The following GRID2 variants were observed in gnomAD, a reference collection of about 807,000 sequenced individuals.
The protein encoded by GRID2 is glutamate ionotropic receptor delta type subunit 2.
GRID2 carries 33 observed loss-of-function variants against 114.8 expected under a neutral mutation model. That is an observed-to-expected ratio of 0.29 (90% CI 0.22 to 0.38). The LOEUF (loss-of-function observed/expected upper bound fraction) is 0.38, where lower values mean the gene tolerates loss of function less well. GRID2 is among the 10% of genes least tolerant of loss of function. GRID2 has a pLI of 1.00. For synonymous variants in GRID2, 505 were observed against 449.9 expected, an observed-to-expected ratio of 1.12 and a Z score of -1.55; for missense variants, 1,184 against 1,257.7, an observed-to-expected ratio of 0.94 and a Z score of 0.89.
At chr4:93,139,077 A>T (rs1301676378) in intron 4 of GRID2, among the ~76,000 whole-genome samples, 2 of 152,206 alleles carry the variant, frequency 1.3e-5, no homozygotes, top group Non-Finnish European at 2.9e-5. Flanking sequence ...CAGATTTCAC[A>T]CTCAAATTAC....
intron 2 of GRID2, among the ~76,000 whole-genome samples, chr4:92,599,561 A>G (rs1337705215): frequency 6.6e-6 from 1 of 152,206 alleles, no homozygotes; most frequent in Non-Finnish European, 1.5e-5. Context: ...CTGTACTTCA[A>G]AAACACATGA....
At position 92,983,731 on chromosome 4, in the gene GRID2, A is replaced by G. The variant is rs193198063; in HGVS notation, c.245-101264A>G. Among the ~76,000 whole-genome samples, 264 of 152,242 alleles carry G rather than the reference A, an allele frequency of 1.7e-3. 1 individual carries two copies. Among genetic ancestry groups the G allele is most frequent in the African/African-American group, 6.2e-3 (259 of 41,568 alleles). On this transcript the variant is annotated intron_variant, in intron 2 of 15. Coordinates refer to ENST00000282020, the MANE Select transcript of GRID2 (RefSeq NM_001510.4). ...AGATAAATTAAGTAGAAATAAGTCA[A>G]GTTTTACAGATTTGCCTTATTTGCC...
At chr4:93,067,518 T>G (rs894631031) in intron 2 of GRID2, among the ~76,000 whole-genome samples, 1 of 152,018 alleles carries the variant, frequency 6.6e-6, no homozygotes, top group African/African-American at 2.4e-5. Flanking sequence ...TATAAGGCTC[T>G]GCCTTCATGA....
At chr4:92,993,791 A>G (rs1266977888) in intron 2 of GRID2, among the ~76,000 whole-genome samples, 1 of 152,192 alleles carries the variant, frequency 6.6e-6, no homozygotes, top group African/African-American at 2.4e-5. Context: ...TCAGGTAGAC[A>G]TTTGTTGGAG....
chr4:92,866,067 C>T (rs1184343944), intron 2 of GRID2, among the ~76,000 whole-genome samples: 1 of 152,150 alleles, frequency 6.6e-6, no homozygotes, highest in Non-Finnish European at 1.5e-5. Flanking sequence ...CTTTGGTTTT[C>T]AAATCATGGC....
chr4:92,750,485 T>C (rs1345795069), intron 2 of GRID2, among the ~76,000 whole-genome samples: 1 of 96,014 alleles, frequency 1.0e-5, no homozygotes, highest in Non-Finnish European at 2.0e-5. Flanking sequence ...CATATTCACA[T>C]AGACCAAAGA....
chr4:92,704,701 A>ATCTCTCTCTCTCTCTCTCTCTC (rs778705188), intron 2 of GRID2, among the ~76,000 whole-genome samples: 2 of 113,662 alleles, frequency 1.8e-5, no homozygotes, highest in Non-Finnish European at 3.7e-5. Flanking sequence ...CAATCAATCA[A>ATCTCTCTCTCTCTCTCTCTCTC]TCTCTCTCTC....
intron 14 of GRID2, among the ~76,000 whole-genome samples, chr4:93,758,167 G>T (rs1485684490): frequency 2.0e-5 from 3 of 152,196 alleles, no homozygotes; most frequent in Middle Eastern, 3.4e-3. Context: ...TCATTTCAGA[G>T]CTGTAATAAT....
intron 9 of GRID2, among the ~76,000 whole-genome samples, chr4:93,400,827 G>T (rs1341193340): frequency 6.6e-6 from 1 of 151,968 alleles, no homozygotes; most frequent in Non-Finnish European, 1.5e-5. Flanking sequence ...CCTGACTTTA[G>T]AGAGTTTTTT....
At chr4:93,328,707 T>TTGGATGGATGGA (rs34951218) in intron 8 of GRID2, among the ~76,000 whole-genome samples, 57 of 149,818 alleles carry the variant, frequency 3.8e-4, no homozygotes, top group African/African-American at 9.6e-4. Context: ...GGATGGATGG[T>TTGGATGGATGGA]TGGATGGATG....
intron 14 of GRID2, among the ~76,000 whole-genome samples, chr4:93,696,478 A>G (rs1244795346): frequency 2.6e-5 from 4 of 152,046 alleles, no homozygotes; most frequent in Non-Finnish European, 1.5e-5. Context: ...ACTTCTTAAA[A>G]CCTCTCCTCC....
At chr4:92,878,519 A>C (rs1431160801) in intron 2 of GRID2, among the ~76,000 whole-genome samples, 2 of 152,148 alleles carry the variant, frequency 1.3e-5, no homozygotes, top group Non-Finnish European at 2.9e-5. Context: ...TTTGAACTTT[A>C]AAAGTCTCTA....
intron 11 of GRID2, among the ~76,000 whole-genome samples, chr4:93,472,352 A>G (rs1483879906): frequency 2.0e-5 from 3 of 152,082 alleles, no homozygotes; most frequent in Admixed American, 6.5e-5. Flanking sequence ...TTATCAGCAG[A>G]TGATCTCTCA....
intron 14 of GRID2, among the ~76,000 whole-genome samples, chr4:93,758,319 G>C (rs1372017147): frequency 6.6e-6 from 1 of 152,188 alleles, no homozygotes; most frequent in Non-Finnish European, 1.5e-5. Context: ...TCCTGGCTGA[G>C]AGTTTTTATT....
At chr4:93,003,712 A>T (rs1721232933) in intron 2 of GRID2, among the ~76,000 whole-genome samples, 1 of 151,972 alleles carries the variant, frequency 6.6e-6, no homozygotes, top group Non-Finnish European at 1.5e-5. Context: ...CTGTGTCTTT[A>T]TAGAATGCTT....
intron 2 of GRID2, among the ~76,000 whole-genome samples, chr4:92,746,478 T>C (rs546138121): frequency 6.6e-6 from 1 of 152,194 alleles, no homozygotes; most frequent in South Asian, 2.1e-4. Flanking sequence ...GTAGGCTTTA[T>C]AGGAGTATGT....
intron 2 of GRID2, among the ~76,000 whole-genome samples, chr4:92,878,455 G>A (rs1745780896): frequency 6.6e-6 from 1 of 152,132 alleles, no homozygotes. Context: ...TCTGTTATTT[G>A]TTGATAAGTC....
chr4:92,939,169 A>G (rs1750901519), intron 2 of GRID2, among the ~76,000 whole-genome samples: 1 of 147,486 alleles, frequency 6.8e-6, no homozygotes, highest in African/African-American at 2.4e-5. Context: ...GAACTAGTTT[A>G]CAGTCCCACC....
chr4:93,643,970 G>T (rs1489400594), intron 14 of GRID2, among the ~76,000 whole-genome samples: 2 of 101,542 alleles, frequency 2.0e-5, no homozygotes, highest in East Asian at 2.1e-4. Flanking sequence ...GCGAGATTCC[G>T]TGGGCGTAGG....
Sources: allele counts gnomAD v4.1 joint callset (sites outside exome capture counted in the v4.1 genomes callset), GRCh38; gene constraint gnomAD v4.1.1; transcripts MANE v1.5; gene names NCBI Gene and HGNC (gene_info 2026-07-23, HGNC 2026-07-21).